Variants in NR3C1 observed in about 807,000 individuals in gnomAD.
NR3C1 encodes the protein nuclear receptor subfamily 3 group C member 1, also known as glucocorticoid receptor.
A neutral mutation model predicts 74.0 loss-of-function variants in NR3C1; 14 were observed. The observed-to-expected ratio is 0.19, with a 90% confidence interval of 0.12 to 0.30. NR3C1 has a LOEUF of 0.30. NR3C1 is among the 10% of genes least tolerant of loss of function. The pLI is 1.00. For synonymous variants in NR3C1, 308 were observed against 332.5 expected (o/e 0.93, Z 0.80); for missense variants, 695 against 909.8 (o/e 0.76, Z 3.04).
intron 1 of NR3C1, among the ~76,000 whole-genome samples, chr5:143,432,207 T>G (rs1354737237): frequency 6.6e-6 from 1 of 152,134 alleles, no homozygotes; most frequent in Non-Finnish European, 1.5e-5. Context: ...CTTTGCTGAG[T>G]GGGAGGTGAC....
intron 1 of NR3C1, among the ~76,000 whole-genome samples, chr5:143,413,928 C>T (rs907473642): frequency 2.6e-5 from 4 of 151,662 alleles, no homozygotes; most frequent in African/African-American, 9.7e-5. Context: ...GAAAAAAACC[C>T]AGATGTCCAT....
At chr5:143,332,064 C>T (rs966538678) in intron 2 of NR3C1, among the ~76,000 whole-genome samples, 1 of 152,076 alleles carries the variant, frequency 6.6e-6, no homozygotes, top group African/African-American at 2.4e-5. Flanking sequence ...TAACCACCTG[C>T]CAAAACATGA....
At chr5:143,368,811 G>C (rs555883021) in intron 2 of NR3C1, among the ~76,000 whole-genome samples, 4 of 152,202 alleles carry the variant, frequency 2.6e-5, no homozygotes, top group African/African-American at 7.2e-5. Flanking sequence ...TTAAAAAAAA[G>C]AAATGGATTT....
chr5:143,358,292 A>C (rs1831545119), intron 2 of NR3C1, among the ~76,000 whole-genome samples: 1 of 152,250 alleles, frequency 6.6e-6, no homozygotes, highest in South Asian at 2.1e-4. Context: ...AAAGGAAGAA[A>C]GGCTCTGGGA....
At chr5:143,298,635 G>C in intron 6 of NR3C1, 33 bp downstream of exon 6, 1 of 1,601,268 alleles carries the variant, frequency 6.2e-7, no homozygotes, top group South Asian at 1.1e-5. Flanking sequence ...GATACCCTAT[G>C]AATACAGGGA....
In NR3C1 at chr5:143,369,700, T is replaced by C. The variant is rs575219369; in HGVS notation, c.1184+29956A>G. Among the ~76,000 whole-genome samples the C allele has an allele frequency of 1.1e-4, 17 of 152,280 alleles. No individual in the cohort carries two copies. The South Asian group carries it at 3.5e-3, about 32-fold the overall frequency. ...TGATTGTCAGGGATGTTGCTAACTA[T>C]CCTGCAACACACAGAACAGCCCTGA... On this transcript the variant is annotated intron_variant, in intron 2 of 8. Coordinates refer to ENST00000394464, the MANE Select transcript of NR3C1 (RefSeq NM_000176.3).
intron 1 of NR3C1, among the ~76,000 whole-genome samples, chr5:143,433,464 A>ATAATTTATTTATTTAAATTATATATC (rs1173177375): frequency 1.4e-5 from 2 of 146,470 alleles, no homozygotes; most frequent in South Asian, 2.1e-4. Context: ...ATATATATAT[A>ATAATTTATTTATTTAAATTATATATC]TATATATTTA....
Position 143,294,319 on chromosome 5 carries a change from A to G in NR3C1, c.2023+1141T>C, listed in dbSNP as rs926095371. 1.3e-5 allele frequency: 12 copies of G among 926,712 alleles called. No homozygotes were observed. In the African/African-American group the frequency reaches 2.1e-4, roughly 16 times the overall value. 57.4% of individuals were successfully genotyped at this position (926,712 alleles called of 1,614,324 possible). ...GAAAGAGGTATTCAGCTATTAACTC[A>G]GTATTTAATAAACATTGATATGTAA... On this transcript the variant is annotated intron_variant, in intron 7 of 8. Transcript: ENST00000394464.
chr5:143,332,869 C>A, intron 2 of NR3C1: 2 of 1,462,088 alleles, frequency 1.4e-6, no homozygotes, highest in South Asian at 1.1e-5. Flanking sequence ...GTAAAAGTTA[C>A]CCCCTAGAAT....
intron 1 of NR3C1, among the ~76,000 whole-genome samples, chr5:143,430,582 A>C (rs889138856): frequency 2.0e-5 from 3 of 152,152 alleles, no homozygotes; most frequent in Non-Finnish European, 4.4e-5. Context: ...AGCCCTATGA[A>C]TGGGATTAGT....
chr5:143,286,029 T>C (rs1199867822), intron 7 of NR3C1, among the ~76,000 whole-genome samples: 1 of 141,788 alleles, frequency 7.1e-6, no homozygotes, highest in Non-Finnish European at 1.5e-5. Context: ...TGAAAGGGAA[T>C]AACACTAGAG....
rs1454438898 is a variant in NR3C1 at position 143,300,305 on chromosome 5, T to C, written c.1747+180A>G. 4.6e-5 allele frequency among the ~76,000 whole-genome samples: 7 copies of C among 152,194 alleles called. No individual in the cohort carries two copies. Among genetic ancestry groups the C allele is most frequent in the African/African-American group, 1.2e-4 (5 of 41,440 alleles). ...TAATGATTTGAAAAGCAGGGAGTAA[T>C]GTAAATGTTTTATTATAAACTCCCT... On this transcript the variant is annotated intron_variant, in intron 5 of 8. Transcript: ENST00000394464. This position sits in a 1 kb window ranked among gnomAD's most constrained non-coding sequence, Gnocchi z 5.2.
At chr5:143,408,132 G>A (rs1841176188), upstream of NR3C1, among the ~76,000 whole-genome samples, 1 of 152,082 alleles carries the variant, frequency 6.6e-6, no homozygotes, top group African/African-American at 2.4e-5. Context: ...CCCACTGACT[G>A]GAGTTCCATG....
intron 1 of NR3C1, among the ~76,000 whole-genome samples, chr5:143,418,043 A>C (rs1189395361): frequency 2.6e-5 from 4 of 152,212 alleles, no homozygotes; most frequent in Non-Finnish European, 5.9e-5. Flanking sequence ...AAAGAAACAG[A>C]AGCACAGAGA....
intron 4 of NR3C1, 24 bp downstream of exon 4, chr5:143,310,073 A>G (rs1237499185): frequency 6.6e-6 from 10 of 1,520,144 alleles, no homozygotes; most frequent in African/African-American, 2.7e-5. Flanking sequence ...GAGACAAACA[A>G]TTGCTTTCAG....
chr5:143,322,000 C>T (rs1823489264), intron 2 of NR3C1, among the ~76,000 whole-genome samples: 1 of 152,154 alleles, frequency 6.6e-6, no homozygotes, highest in Non-Finnish European at 1.5e-5. Context: ...CTTATTTATA[C>T]TTTCTATCTT....
At chr5:143,419,405 T>A (rs1751098167) in intron 1 of NR3C1, among the ~76,000 whole-genome samples, 1 of 152,184 alleles carries the variant, frequency 6.6e-6, no homozygotes, top group African/African-American at 2.4e-5. Context: ...AATGTGGCAT[T>A]CCATGCAATA....
chr5:143,433,460 A>ATATATATTTTATTTATTTATTT (rs1751959119), intron 1 of NR3C1, among the ~76,000 whole-genome samples: 1 of 146,004 alleles, frequency 6.8e-6, no homozygotes. Flanking sequence ...AATTATATAT[A>ATATATATTTTATTTATTTATTT]TATATATATA....
chr5:143,425,447 C>T (rs912541007), intron 1 of NR3C1, among the ~76,000 whole-genome samples: 9 of 152,084 alleles, frequency 5.9e-5, no homozygotes, highest in East Asian at 1.9e-4. Context: ...TTGTAGACAA[C>T]GTACAGAAAT....
Sources: allele counts gnomAD v4.1 joint callset (sites outside exome capture counted in the v4.1 genomes callset), GRCh38; gene constraint gnomAD v4.1.1; non-coding constraint Gnocchi (gnomAD v3.1); transcripts MANE v1.5; gene names NCBI Gene and HGNC (gene_info 2026-07-23, HGNC 2026-07-21).